The following PSD2 variants were observed in gnomAD, a reference collection of about 807,000 sequenced individuals.
PSD2 encodes PH and SEC7 domain-containing protein 2.
PSD2 carries 38 observed loss-of-function variants against 69.8 expected under a neutral mutation model. The observed-to-expected ratio is 0.54, with a 90% CI of 0.42 to 0.71. The LOEUF (loss-of-function observed/expected upper bound fraction) is 0.71. Among genes scored for constraint, PSD2 ranks in the 30% least tolerant of loss-of-function variants. The pLI is 0.00. For synonymous variants in PSD2, 412 were observed against 423.0 expected (o/e 0.97, Z 0.32); for missense variants, 943 against 1,014.5 (o/e 0.93, Z 0.96).
intron 1 of PSD2, among the ~76,000 whole-genome samples, chr5:139,807,603 C>T (rs142367094): frequency 7.2e-4 from 109 of 152,134 alleles, no homozygotes; most frequent in Non-Finnish European, 1.2e-3. Flanking sequence ...AAGTAAAAGT[C>T]TCCCTTATGA....
chr5:139,748,101 C>G, the PSD2 span, among the ~76,000 whole-genome samples: 1 of 152,172 alleles, frequency 6.6e-6, no homozygotes, highest in Non-Finnish European at 1.5e-5. Context: ...GTGAACCGAG[C>G]CACATCTGTA....
chr5:139,840,794 C>T (rs1398795267), intron 14 of PSD2, among the ~76,000 whole-genome samples: 1 of 152,098 alleles, frequency 6.6e-6, no homozygotes, highest in Non-Finnish European at 1.5e-5. Context: ...TCAGGTGATC[C>T]ACCTGCCTCG....
At chr5:139,795,065 C>T (rs1472126790), upstream of PSD2, among the ~76,000 whole-genome samples, 2 of 152,114 alleles carry the variant, frequency 1.3e-5, no homozygotes, top group Admixed American at 6.5e-5. This position sits in a 1 kb window ranked among gnomAD's most constrained non-coding sequence, Gnocchi z 4.5. Context: ...CCCAGGGAGG[C>T]TTCCCCTTGA....
At chr5:139,776,026 C>T in the PSD2 span, among the ~76,000 whole-genome samples, 2 of 152,208 alleles carry the variant, frequency 1.3e-5, no homozygotes, top group Admixed American at 6.5e-5. Context: ...CATCCCCCTC[C>T]AAGACGCCTC....
chr5:139,828,623 C>T (rs1001526627), intron 7 of PSD2, among the ~76,000 whole-genome samples: 1 of 152,146 alleles, frequency 6.6e-6, no homozygotes, highest in African/African-American at 2.4e-5. Flanking sequence ...TTTGATCAGC[C>T]CCTCCCCTCC....
Position 139,814,261 on chromosome 5 carries a change from A to G in PSD2, c.913A>G (p.Asn305Asp). ...GCCTGGTAGTGCAGACCCTCTGGCC[A>G]ACGGGTGCCAGGGGGTCAGTGAAGC... ...LEPGSADPLANGCQGVSEAAH... is the reference protein window; with the variant it reads ...LEPGSADPLADGCQGVSEAAH... The change falls in exon 4 of 15, where the codon AAC (asparagine) becomes GAC (aspartate). Residue 305 changes from asparagine (N) to aspartate (D), a missense_variant. Around this residue, in one of 3 missense-constraint regions of PSD2, gnomAD observed 466 missense variants for 445.0 expected, o/e 1.05. Transcript: ENST00000274710. This position sits in a 1 kb window ranked among gnomAD's most constrained non-coding sequence, Gnocchi z 4.4. 1 of 1,613,754 alleles carries G rather than the reference A, an allele frequency of 6.2e-7. No individual in the cohort carries two copies. Among genetic ancestry groups the G allele is most frequent in the Non-Finnish European group, 8.5e-7 (1 of 1,179,824 alleles).
rs1759893565 is a variant in PSD2 at position 139,809,442 on chromosome 5, TGGA to T, written c.9_11del (p.Glu3?). ...GGACAGGCGGAAGCAGTGGCTGCCA[TGGA>T]GGAGGACAAGCTCTTATCTGCAGTG... On this transcript the variant is annotated start_lost and inframe_deletion, in exon 2 of 15. Transcript: ENST00000274710. 1 of 1,610,426 alleles carries T rather than the reference TGGA, an allele frequency of 6.2e-7. No homozygotes were observed. The highest frequency in any genetic ancestry group is 2.2e-5 in the East Asian group (1 of 44,838).
chr5:139,800,645 A>T (rs1485845323), intron 1 of PSD2, among the ~76,000 whole-genome samples: 1 of 152,202 alleles, frequency 6.6e-6, no homozygotes, highest in Non-Finnish European at 1.5e-5. Flanking sequence ...CTTTGAGAAA[A>T]TATAAGCAGT....
chr5:139,819,708 G>GA (rs1283345294), intron 5 of PSD2, among the ~76,000 whole-genome samples: 21 of 152,186 alleles, frequency 1.4e-4, no homozygotes, highest in African/African-American at 4.8e-4. Context: ...AATATCTTAA[G>GA]AAAACCCATG....
chr5:139,787,060 TGG>T, the PSD2 span, among the ~76,000 whole-genome samples: 3 of 152,048 alleles, frequency 2.0e-5, no homozygotes, highest in South Asian at 6.2e-4. Flanking sequence ...GGTTGGGGCC[TGG>T]GGGGTGTGTG....
At position 139,840,109 on chromosome 5, in the gene PSD2, G is replaced by C; in HGVS notation, c.2051G>C (p.Arg684Thr). The C allele has an allele frequency of 6.2e-7, 1 of 1,614,200 alleles. No individual in the cohort carries two copies. The highest frequency in any genetic ancestry group is 8.5e-7 in the Non-Finnish European group (1 of 1,180,050). The change falls in exon 14 of 15, where the codon AGG becomes ACG. Residue 684 changes from arginine to threonine, a missense_variant. Physicochemically the swap from Arg to Thr is moderately conservative, Grantham distance 71. Transcript: ENST00000274710. ...LAEHRCHPVE[R>T]GIKSKEAEEY... is the part of the protein sequence containing the mutation. The stretch of plus-strand genomic sequence containing the variant: ...GAACACAGGTGTCACCCAGTCGAGA[G>C]GGGCATCAAGTCCAAGGAGGCCGAG...
intron 4 of PSD2, among the ~76,000 whole-genome samples, chr5:139,816,388 G>T (rs115310489): frequency 0.016 from 2,457 of 152,230 alleles, 76 homozygotes; most frequent in African/African-American, 0.055. Flanking sequence ...ATTGCACTTG[G>T]CCGATTGGTC....
chr5:139,820,458 G>C (rs116219168), intron 5 of PSD2, among the ~76,000 whole-genome samples: 2,355 of 152,142 alleles, frequency 0.015, 68 homozygotes, highest in African/African-American at 0.054. Flanking sequence ...ATTGGATTTC[G>C]AGAGTACTCT....
chr5:139,830,858 TCTTTA>T lies in PSD2; in HGVS notation c.1270-2840_1270-2836del, dbSNP rs1011851424. Among the ~76,000 whole-genome samples, 44 of 142,488 alleles carry T rather than the reference TCTTTA, an allele frequency of 3.1e-4. 1 individual carries two copies. Among genetic ancestry groups the T allele is most frequent in the Admixed American group, 2.6e-3 (36 of 13,920 alleles). 93.5% of individuals were successfully genotyped at this position (142,488 alleles called of 152,430 possible). On this transcript the variant is annotated intron_variant, in intron 7 of 14. Coordinates refer to ENST00000274710, the MANE Select transcript of PSD2 (RefSeq NM_032289.4). Reference sequence around the variant, plus strand: ...TTTTTTTTTTTTTATTGATTCAATCTCTTTACTTGTTATAGGTCTATTCAGATTTT... The same window carrying T: ...TTTTTTTTTTTTTATTGATTCAATCTCTTGTTATAGGTCTATTCAGATTTT...
chr5:139,828,251 G>C (rs565342872), intron 7 of PSD2, among the ~76,000 whole-genome samples: 2,758 of 152,212 alleles, frequency 0.018, 85 homozygotes, highest in African/African-American at 0.063. Context: ...TGGGGTAAGC[G>C]GGGGAGAACC....
chr5:139,768,075 G>T, the PSD2 span, among the ~76,000 whole-genome samples: 1 of 152,280 alleles, frequency 6.6e-6, no homozygotes, highest in Non-Finnish European at 1.5e-5. Context: ...GCCAGGGAGG[G>T]CAAAGGGGCT....
At chr5:139,772,060 G>A in the PSD2 span, among the ~76,000 whole-genome samples, 1 of 152,168 alleles carries the variant, frequency 6.6e-6, no homozygotes, top group Non-Finnish European at 1.5e-5. Context: ...GAGGAGGAAC[G>A]GAAAGCCCTT....
the PSD2 span, among the ~76,000 whole-genome samples, chr5:139,777,344 C>T: frequency 6.6e-6 from 1 of 152,166 alleles, no homozygotes; most frequent in African/African-American, 2.4e-5. Flanking sequence ...CTTTTAGCTC[C>T]TTGGGGCCTC....
chr5:139,794,793 C>T (rs1210119836), upstream of PSD2, among the ~76,000 whole-genome samples: 1 of 152,198 alleles, frequency 6.6e-6, no homozygotes, highest in African/African-American at 2.4e-5. Flanking sequence ...CCACGCCCTC[C>T]TTAGATCCCT....
Sources: gnomAD v4.1 joint callset for allele counts (sites outside exome capture counted in the v4.1 genomes callset) on GRCh38, gnomAD v4.1.1 for gene constraint, gnomAD v4.1.1 regional missense constraint, Gnocchi (gnomAD v3.1) non-coding constraint, MANE v1.5 for transcripts, NCBI Gene and HGNC (gene_info 2026-07-23, HGNC 2026-07-21) for gene names.